ROBO1: variants seen among roughly 807,000 people sequenced by gnomAD.
ROBO1 encodes the protein roundabout homolog 1.
A neutral mutation model predicts 195.9 loss-of-function variants in ROBO1; 149 were observed. The ratio of observed to expected loss-of-function variants is 0.76; its 90% confidence interval spans 0.67 to 0.87. The LOEUF is 0.87. Among genes scored for constraint, ROBO1 ranks in the 40% least tolerant of loss-of-function variants. The pLI is 0.00. For missense variants in ROBO1, 1,933 were observed against 2,068.3 expected (o/e 0.93, Z 1.27); for synonymous variants, 816 against 733.2 (o/e 1.11, Z -1.82).
chr3:79,255,879 T>C (rs1435516854), intron 2 of ROBO1, among the ~76,000 whole-genome samples: 1 of 152,150 alleles, frequency 6.6e-6, no homozygotes, highest in Non-Finnish European at 1.5e-5. Flanking sequence ...CAAAGCTGGG[T>C]CAGGATGGAG....
At chr3:79,345,165 T>C (rs935126742) in intron 2 of ROBO1, among the ~76,000 whole-genome samples, 4 of 152,228 alleles carry the variant, frequency 2.6e-5, no homozygotes, top group African/African-American at 9.6e-5. Flanking sequence ...TGTTTACTTA[T>C]TCTTTCAACT....
At chr3:79,591,255 A>G (rs1943992482) in intron 1 of ROBO1, among the ~76,000 whole-genome samples, 1 of 151,886 alleles carries the variant, frequency 6.6e-6, no homozygotes, top group South Asian at 2.1e-4. Context: ...ATTGAAAAAA[A>G]GGTTACTAAA....
chr3:79,615,772 G>A (rs1944799499), intron 1 of ROBO1, among the ~76,000 whole-genome samples: 1 of 152,188 alleles, frequency 6.6e-6, no homozygotes, highest in Admixed American at 6.5e-5. Context: ...AATAGGCAAA[G>A]GTGCCAAGGT....
rs374907342 is a variant in ROBO1, at chr3:79,234,165, G to T, written c.89-108626C>A. ...GTTTACTCTGTTAATAGTTTGTTTT[G>T]TTGTGCAGAAGCACTTTAGTATAAC... On this transcript the variant is annotated intron_variant, in intron 2 of 30. Transcript: ENST00000464233. Among the ~76,000 whole-genome samples the T allele has an allele frequency of 3.1e-3, 478 of 152,080 alleles. 3 individuals carry two copies. The highest frequency in any genetic ancestry group is 0.011 in the African/African-American group (457 of 41,508).
In ROBO1 at chr3:78,639,747, G is replaced by A. The variant is rs1279461947; in HGVS notation, c.3034C>T (p.Pro1012Ser). The change falls in exon 22 of 31, where the codon CCA (proline) becomes TCA (serine). Residue 1012 changes from proline to serine, a missense_variant. This residue lies in a region of ROBO1 where 1,737 missense variants were observed against 1,882.5 expected (regional missense o/e 0.92). Coordinates refer to ENST00000464233, the MANE Select transcript of ROBO1 (RefSeq NM_002941.4). ...AGGCTCTCTCTGTGTCCCTAACCTGGGCGACTGTAGGTAGTGAGGTTGCTG... is the reference window on the plus strand; with the variant it reads ...AGGCTCTCTCTGTGTCCCTAACCTGAGCGACTGTAGGTAGTGAGGTTGCTG... ...SDSNLTTYSR[P>S]ADCIANYNNQ... The A allele has an allele frequency of 6.2e-7, 1 of 1,611,678 alleles. No individual in the cohort carries two copies. The highest frequency in any genetic ancestry group is 1.7e-5 in the Admixed American group (1 of 59,886).
chr3:79,162,562 A>T (rs2080988569), intron 2 of ROBO1, among the ~76,000 whole-genome samples: 1 of 152,124 alleles, frequency 6.6e-6, no homozygotes, highest in African/African-American at 2.4e-5. Flanking sequence ...CTATCAATCC[A>T]AAATCTCAGT....
In ROBO1 at chr3:78,991,594, T is replaced by C. The variant is rs555271948; in HGVS notation, c.173-52667A>G. On this transcript the variant is annotated intron_variant, in intron 3 of 30. Coordinates refer to ENST00000464233, the MANE Select transcript of ROBO1 (RefSeq NM_002941.4). ...CCTGGTATAATGCTCACTATTTGATTTGAGTGATCCTGTATCCTGACAGCT... is the reference window on the plus strand; with the variant it reads ...CCTGGTATAATGCTCACTATTTGATCTGAGTGATCCTGTATCCTGACAGCT... Among the ~76,000 whole-genome samples the C allele has an allele frequency of 8.5e-5, 13 of 152,318 alleles. No homozygotes were observed. In the South Asian group the frequency reaches 2.7e-3, roughly 32 times the overall value.
chr3:79,479,094 G>A (rs1241136715), intron 2 of ROBO1, among the ~76,000 whole-genome samples: 1 of 152,166 alleles, frequency 6.6e-6, no homozygotes, highest in African/African-American at 2.4e-5. Flanking sequence ...TAGGCTCTAA[G>A]CAGAACTTAA....
intron 8 of ROBO1, among the ~76,000 whole-genome samples, chr3:78,708,753 T>C (rs1240951982): frequency 6.6e-6 from 1 of 152,182 alleles, no homozygotes; most frequent in East Asian, 1.9e-4. Flanking sequence ...CTTTTATAGG[T>C]ATGTCACAAC....
intron 3 of ROBO1, among the ~76,000 whole-genome samples, chr3:79,058,099 C>T (rs567467117): frequency 4.3e-4 from 65 of 152,150 alleles, no homozygotes; most frequent in Non-Finnish European, 8.1e-4. Flanking sequence ...AGATACCCCA[C>T]ACTTTCAATA....
intron 2 of ROBO1, among the ~76,000 whole-genome samples, chr3:79,460,908 C>T (rs1012743187): frequency 2.0e-5 from 3 of 151,848 alleles, no homozygotes; most frequent in African/African-American, 7.3e-5. Flanking sequence ...CCACCACGCC[C>T]GGCTAATTTT....
chr3:79,070,521 C>G (rs758146829), intron 3 of ROBO1, among the ~76,000 whole-genome samples: 6 of 151,690 alleles, frequency 4.0e-5, no homozygotes, highest in Admixed American at 1.3e-4. Flanking sequence ...CCAACGTTTT[C>G]TGATATGTAT....
chr3:79,446,648 T>C (rs1316256561), intron 2 of ROBO1, among the ~76,000 whole-genome samples: 2 of 152,184 alleles, frequency 1.3e-5, no homozygotes, highest in African/African-American at 4.8e-5. Flanking sequence ...AATGATATTA[T>C]TACAATATAC....
chr3:79,436,881 G>A (rs766678131), intron 2 of ROBO1, among the ~76,000 whole-genome samples: 10 of 151,884 alleles, frequency 6.6e-5, no homozygotes, highest in Admixed American at 1.3e-4. Context: ...TTCATCCCAC[G>A]CCCCTAACAT....
At chr3:79,071,400 C>G (rs566745281) in intron 3 of ROBO1, among the ~76,000 whole-genome samples, 1 of 151,164 alleles carries the variant, frequency 6.6e-6, no homozygotes, top group Non-Finnish European at 1.5e-5. Context: ...TTGGTAATTT[C>G]TTTCTCTTTA....
intron 2 of ROBO1, among the ~76,000 whole-genome samples, chr3:79,462,972 G>A (rs1396811324): frequency 9.2e-5 from 14 of 152,170 alleles, no homozygotes; most frequent in Admixed American, 9.2e-4. Flanking sequence ...GATACAGAAT[G>A]TTTTCATGTC....
At chr3:79,394,212 T>C (rs2037056983) in intron 2 of ROBO1, among the ~76,000 whole-genome samples, 2 of 152,068 alleles carry the variant, frequency 1.3e-5, no homozygotes, top group Non-Finnish European at 2.9e-5. Flanking sequence ...GACTAGTTTG[T>C]ATGTGAGGAG....
In ROBO1 at chr3:78,614,716, T is replaced by A. The variant is rs374497470; in HGVS notation, c.4367A>T (p.Gln1456Leu). 6.2e-7 allele frequency: 1 copy of A among 1,613,640 alleles called. No homozygotes were observed. Among genetic ancestry groups the A allele is most frequent in the South Asian group, 1.1e-5 (1 of 91,068 alleles). ...TDSNMSAAVM[Q>L]KTRPAKKLKH... ...CAGTTTCTTGGCTGGTCTGGTTTTC[T>A]GCATTACGGCGGCACTCATGTTGCT... The change falls in exon 28 of 31, where the codon CAG (glutamine) becomes CTG (leucine). Residue 1456 changes from glutamine to leucine, a missense_variant. Transcript: ENST00000464233.
intron 2 of ROBO1, among the ~76,000 whole-genome samples, chr3:79,229,330 C>CATAT (rs551118022): frequency 1.2e-3 from 183 of 152,156 alleles, no homozygotes; most frequent in African/African-American, 4.1e-3. Flanking sequence ...AAGCATCAGT[C>CATAT]ATATGAATGA....
Sources: allele counts gnomAD v4.1 joint callset (sites outside exome capture counted in the v4.1 genomes callset), GRCh38; gene constraint gnomAD v4.1.1; regional missense constraint gnomAD v4.1.1; transcripts MANE v1.5; gene names NCBI Gene and HGNC (gene_info 2026-07-23, HGNC 2026-07-21).